GRID1: variants seen among roughly 807,000 people sequenced by gnomAD.
The protein encoded by GRID1 is glutamate ionotropic receptor delta type subunit 1.
GRID1 carries 28 observed loss-of-function variants against 98.0 expected under a neutral mutation model. That is an observed-to-expected ratio of 0.29 (90% CI 0.21 to 0.39). The LOEUF (loss-of-function observed/expected upper bound fraction) is 0.39. Among genes scored for constraint, GRID1 ranks in the 10% least tolerant of loss-of-function variants. The probability of loss-of-function intolerance (pLI) is 1.00; values close to 1 mark genes in which losing one functional copy is unlikely to be tolerated. For missense variants in GRID1, 1,111 were observed against 1,340.5 expected (o/e 0.83, Z 2.67); for synonymous variants, 553 against 538.5 (o/e 1.03, Z -0.37).
intron 2 of GRID1, among the ~76,000 whole-genome samples, chr10:86,298,741 G>A (rs1847633663): frequency 6.6e-6 from 1 of 152,204 alleles, no homozygotes; most frequent in Non-Finnish European, 1.5e-5. Context: ...CCCAGACACA[G>A]AGTTGCCAGA....
At chr10:86,079,996 G>A (rs1338908635) in intron 4 of GRID1, among the ~76,000 whole-genome samples, 2 of 152,132 alleles carry the variant, frequency 1.3e-5, no homozygotes, top group Non-Finnish European at 2.9e-5. Context: ...ATGTCCCAAA[G>A]GACAAGTGCA....
At chr10:86,064,649 T>A (rs1215617128) in intron 4 of GRID1, among the ~76,000 whole-genome samples, 1 of 152,098 alleles carries the variant, frequency 6.6e-6, no homozygotes, top group African/African-American at 2.4e-5. Context: ...CCATGGGCCC[T>A]TCCCTGCTAC....
chr10:85,731,732 G>A (rs1265354719), intron 8 of GRID1, among the ~76,000 whole-genome samples: 1 of 149,484 alleles, frequency 6.7e-6, no homozygotes, highest in Non-Finnish European at 1.5e-5. Context: ...AGACCAGGAG[G>A]TCAAGACTGC....
chr10:85,694,550 G>GTATATATATATA (rs56344083), intron 12 of GRID1, among the ~76,000 whole-genome samples: 1 of 92,842 alleles, frequency 1.1e-5, no homozygotes, highest in African/African-American at 3.5e-5. Context: ...AATGTGGTGT[G>GTATATATATATA]TATATATATA....
chr10:85,730,091 G>A (rs577483986), intron 8 of GRID1, among the ~76,000 whole-genome samples: 3 of 152,294 alleles, frequency 2.0e-5, no homozygotes, highest in East Asian at 3.9e-4. Context: ...CTTGCACCCC[G>A]GTGCCTATGG....
At chr10:86,137,458 C>G (rs568704736) in intron 4 of GRID1, among the ~76,000 whole-genome samples, 1 of 152,094 alleles carries the variant, frequency 6.6e-6, no homozygotes, top group Non-Finnish European at 1.5e-5. Flanking sequence ...GCAAGGGGAA[C>G]GGGCAAGGAA....
intron 3 of GRID1, among the ~76,000 whole-genome samples, chr10:86,189,472 CT>C (rs1378487998): frequency 6.6e-6 from 1 of 151,924 alleles, no homozygotes; most frequent in Non-Finnish European, 1.5e-5. Flanking sequence ...CTGTGGTCTC[CT>C]TTTCCCCAGC....
chr10:86,115,083 G>A (rs940455831), intron 4 of GRID1, among the ~76,000 whole-genome samples: 3 of 152,168 alleles, frequency 2.0e-5, no homozygotes, highest in Non-Finnish European at 2.9e-5. Context: ...GCTCCCGGGG[G>A]CTATGAAAGG....
intron 2 of GRID1, among the ~76,000 whole-genome samples, chr10:86,259,807 T>C (rs1310854825): frequency 1.3e-5 from 2 of 152,236 alleles, no homozygotes; most frequent in African/African-American, 2.4e-5. Flanking sequence ...GGCCACACTC[T>C]GACCTCTTCC....
chr10:85,983,455 G>A (rs1022724800), intron 4 of GRID1, among the ~76,000 whole-genome samples: 1 of 152,204 alleles, frequency 6.6e-6, no homozygotes, highest in African/African-American at 2.4e-5. Flanking sequence ...TCACAGTGCT[G>A]CACAATCCCG....
chr10:86,068,169 G>C (rs1357481085), intron 4 of GRID1, among the ~76,000 whole-genome samples: 1 of 152,218 alleles, frequency 6.6e-6, no homozygotes, highest in Non-Finnish European at 1.5e-5. Context: ...GAATGGGACA[G>C]TGACTTGGCC....
At chr10:85,927,873 A>AT (rs1198493725) in intron 4 of GRID1, among the ~76,000 whole-genome samples, 1 of 152,196 alleles carries the variant, frequency 6.6e-6, no homozygotes, top group Non-Finnish European at 1.5e-5. Context: ...CATTTTAAAA[A>AT]TTTGCTGAAA....
At chr10:86,043,475 C>A (rs1445721649) in intron 4 of GRID1, among the ~76,000 whole-genome samples, 2 of 152,324 alleles carry the variant, frequency 1.3e-5, no homozygotes, top group African/African-American at 4.8e-5. Context: ...CCTGAGCCTG[C>A]AGCTCTCCTG....
chr10:85,623,407 C>T (rs557028664), intron 13 of GRID1, among the ~76,000 whole-genome samples: 1 of 152,256 alleles, frequency 6.6e-6, no homozygotes, highest in East Asian at 1.9e-4. Flanking sequence ...CCATCCTGCC[C>T]CACAAAAACT....
chr10:85,634,291 T>TCTCTCTCTCA (rs1162030685), intron 13 of GRID1, among the ~76,000 whole-genome samples: 74 of 102,966 alleles, frequency 7.2e-4, no homozygotes, highest in African/African-American at 1.8e-3. Flanking sequence ...TCTCTCTCTC[T>TCTCTCTCTCA]CACACACACA....
chr10:85,882,634 A>C (rs1277110373), intron 5 of GRID1, among the ~76,000 whole-genome samples: 1 of 152,066 alleles, frequency 6.6e-6, no homozygotes, highest in Non-Finnish European at 1.5e-5. Flanking sequence ...GGGTTGGGGG[A>C]GGGGGAAGGG....
intron 4 of GRID1, among the ~76,000 whole-genome samples, chr10:86,105,722 G>A (rs1298683355): frequency 6.6e-6 from 1 of 152,180 alleles, no homozygotes; most frequent in Non-Finnish European, 1.5e-5. Context: ...TCCAGCAAAG[G>A]TTGGAATCTA....
At chr10:85,773,505 A>T (rs955329525) in intron 8 of GRID1, among the ~76,000 whole-genome samples, 1 of 152,244 alleles carries the variant, frequency 6.6e-6, no homozygotes, top group African/African-American at 2.4e-5. Flanking sequence ...AATAAAGGTT[A>T]TTCAATTAGG....
chr10:86,073,881 C>A (rs557729204), intron 4 of GRID1, among the ~76,000 whole-genome samples: 21 of 152,288 alleles, frequency 1.4e-4, no homozygotes, highest in Non-Finnish European at 1.9e-4. Flanking sequence ...TATGGACAGT[C>A]AGGACCGCAG....
Sources: gnomAD v4.1 joint callset for allele counts (sites outside exome capture counted in the v4.1 genomes callset) on GRCh38, gnomAD v4.1.1 for gene constraint, MANE v1.5 for transcripts, NCBI Gene and HGNC (gene_info 2026-07-23, HGNC 2026-07-21) for gene names.